Variants in SYT1 observed in about 807,000 individuals in gnomAD.
The protein encoded by SYT1 is synaptotagmin 1, also known as synaptotagmin-1.
Under a neutral mutation model 44.8 loss-of-function variants are expected in SYT1, and 8 were observed. The observed-to-expected ratio is 0.18, with a 90% CI of 0.10 to 0.32. The LOEUF (loss-of-function observed/expected upper bound fraction) is 0.32. SYT1 is among the 10% of genes least tolerant of loss of function. SYT1 has a pLI of 1.00. For missense variants in SYT1, 286 were observed against 509.3 expected (o/e 0.56, Z 4.22); for synonymous variants, 154 against 188.8 (o/e 0.82, Z 1.51).
At chr12:79,200,701 G>T (rs1159043320) in intron 3 of SYT1, among the ~76,000 whole-genome samples, 2 of 152,140 alleles carry the variant, frequency 1.3e-5, no homozygotes, top group African/African-American at 4.8e-5. Flanking sequence ...ATTCAGAGAA[G>T]AAGTAACTGG....
At chr12:79,076,703 G>T (rs1876678227) in intron 3 of SYT1, among the ~76,000 whole-genome samples, 1 of 152,132 alleles carries the variant, frequency 6.6e-6, no homozygotes, top group African/African-American at 2.4e-5. Flanking sequence ...CATTTTGGGA[G>T]GCCGAGGCAG....
chr12:79,310,372 C>G (rs577392859), intron 8 of SYT1, among the ~76,000 whole-genome samples: 2 of 152,148 alleles, frequency 1.3e-5, no homozygotes, highest in South Asian at 2.1e-4. Context: ...TTCCATTGAT[C>G]TATATCTCTG....
At chr12:79,150,702 A>G (rs1163475146) in intron 3 of SYT1, among the ~76,000 whole-genome samples, 2 of 152,208 alleles carry the variant, frequency 1.3e-5, no homozygotes, top group South Asian at 2.1e-4. Flanking sequence ...AGCAAGTTAA[A>G]TCAACTGCAA....
intron 4 of SYT1, among the ~76,000 whole-genome samples, chr12:79,249,218 C>G (rs375131323): frequency 1.9e-4 from 28 of 149,104 alleles, no homozygotes; most frequent in East Asian, 8.1e-4. Context: ...CATTCTCCTG[C>G]CTCAGCTTCC....
intron 3 of SYT1, among the ~76,000 whole-genome samples, chr12:79,212,092 C>G (rs904524785): frequency 6.6e-6 from 1 of 152,066 alleles, no homozygotes; most frequent in Non-Finnish European, 1.5e-5. Context: ...TTTACAATAG[C>G]AAAGGCTTGG....
At chr12:78,975,216 AG>A (rs1868736773) in intron 1 of SYT1, among the ~76,000 whole-genome samples, 1 of 151,928 alleles carries the variant, frequency 6.6e-6, no homozygotes. Context: ...TCACTCTTCA[AG>A]GGTCTTTACC....
intron 9 of SYT1, among the ~76,000 whole-genome samples, chr12:79,388,861 G>A (rs1041560263): frequency 6.6e-6 from 1 of 152,164 alleles, no homozygotes; most frequent in Admixed American, 6.5e-5. Context: ...ATAAGGACAT[G>A]ATCTACATCA....
At chr12:79,289,328 G>A (rs1056463012) in intron 5 of SYT1, among the ~76,000 whole-genome samples, 5 of 152,170 alleles carry the variant, frequency 3.3e-5, no homozygotes, top group African/African-American at 1.2e-4. Flanking sequence ...GTTCTATGAA[G>A]AGGAAAATAG....
At chr12:79,207,577 C>T (rs1339135903) in intron 3 of SYT1, among the ~76,000 whole-genome samples, 1 of 151,992 alleles carries the variant, frequency 6.6e-6, no homozygotes, top group African/African-American at 2.4e-5. Flanking sequence ...CATGTGTACT[C>T]ATTGTTCAGC....
At chr12:78,887,612 T>C (rs1874821150) in intron 1 of SYT1, among the ~76,000 whole-genome samples, 1 of 151,906 alleles carries the variant, frequency 6.6e-6, no homozygotes, top group African/African-American at 2.4e-5. Flanking sequence ...CTGGAACATA[T>C]CCCCTACGGA....
chr12:79,221,585 A>G (rs529389308), intron 4 of SYT1, among the ~76,000 whole-genome samples: 1 of 152,038 alleles, frequency 6.6e-6, no homozygotes, highest in Non-Finnish European at 1.5e-5. Context: ...GGTTTCTTCT[A>G]TGTGGTTACC....
At chr12:79,380,117 A>G (rs573391912) in intron 9 of SYT1, among the ~76,000 whole-genome samples, 3 of 152,318 alleles carry the variant, frequency 2.0e-5, no homozygotes, top group South Asian at 4.1e-4. Flanking sequence ...TTGAAGATTA[A>G]CCAGAGATTT....
At chr12:79,318,600 T>C (rs1881212581) in intron 8 of SYT1, among the ~76,000 whole-genome samples, 1 of 152,238 alleles carries the variant, frequency 6.6e-6, no homozygotes, top group Admixed American at 6.5e-5. Context: ...TCAACTTTTC[T>C]TATTCTCTAA....
intron 2 of SYT1, among the ~76,000 whole-genome samples, chr12:79,029,703 A>G (rs1223814527): frequency 6.6e-6 from 1 of 151,220 alleles, no homozygotes; most frequent in East Asian, 1.9e-4. Flanking sequence ...TAAGTAATTA[A>G]TAATAGCTGT....
chr12:79,137,797 CTT>C (rs1869296785), intron 3 of SYT1, among the ~76,000 whole-genome samples: 1 of 152,074 alleles, frequency 6.6e-6, no homozygotes, highest in Non-Finnish European at 1.5e-5. Flanking sequence ...CATGTTAACT[CTT>C]TGTTAGCCTT....
chr12:79,044,886 C>G (rs1001943465), intron 2 of SYT1, among the ~76,000 whole-genome samples: 6 of 152,018 alleles, frequency 3.9e-5, no homozygotes, highest in Non-Finnish European at 7.4e-5. Context: ...AGTACGCTGC[C>G]GTGTGAGGTG....
At chr12:79,262,049 T>C (rs1213028572) in intron 4 of SYT1, among the ~76,000 whole-genome samples, 1 of 152,210 alleles carries the variant, frequency 6.6e-6, no homozygotes, top group Admixed American at 6.5e-5. Flanking sequence ...ATCCAATCTA[T>C]TCTGATATAG....
intron 3 of SYT1, among the ~76,000 whole-genome samples, chr12:79,141,810 G>C (rs1869575733): frequency 6.6e-6 from 1 of 152,102 alleles, no homozygotes; most frequent in South Asian, 2.1e-4. Context: ...GTCTTATGGA[G>C]CCCATATTTT....
intron 3 of SYT1, among the ~76,000 whole-genome samples, chr12:79,052,841 A>G (rs1238762088): frequency 1.3e-5 from 2 of 152,160 alleles, no homozygotes; most frequent in Non-Finnish European, 2.9e-5. Context: ...GGCAATCATT[A>G]AAAAGTCAGG....
Sources: allele counts gnomAD v4.1 joint callset (sites outside exome capture counted in the v4.1 genomes callset), GRCh38; gene constraint gnomAD v4.1.1; transcripts MANE v1.5; gene names NCBI Gene and HGNC (gene_info 2026-07-23, HGNC 2026-07-21).